Variants in SEL1L2 observed in about 807,000 individuals in gnomAD.
The protein encoded by SEL1L2 is SEL1L2 adaptor subunit of SYVN1 ubiquitin ligase.
Under a neutral mutation model 98.8 loss-of-function variants are expected in SEL1L2, and 89 were observed. That is an observed-to-expected ratio of 0.90 (90% confidence interval 0.76 to 1.07). The LOEUF (loss-of-function observed/expected upper bound fraction) is 1.07, where lower values mean the gene tolerates loss of function less well. Among genes scored for constraint, SEL1L2 ranks in the 50% least tolerant of loss-of-function variants. The pLI, the probability that SEL1L2 is intolerant of heterozygous loss-of-function variation, is 0.00. For synonymous variants in SEL1L2, 262 were observed against 278.5 expected (o/e 0.94, Z 0.59); for missense variants, 788 against 812.0 (o/e 0.97, Z 0.36).
chr20:13,930,189 G>A (rs2049081683), intron 3 of SEL1L2, among the ~76,000 whole-genome samples: 1 of 152,186 alleles, frequency 6.6e-6, no homozygotes, highest in African/African-American at 2.4e-5. Flanking sequence ...TTTCCTTCCT[G>A]CTTCTGAAGA....
chr20:13,971,708 T>C (rs1475763918), intron 1 of SEL1L2, among the ~76,000 whole-genome samples: 1 of 152,156 alleles, frequency 6.6e-6, no homozygotes, highest in African/African-American at 2.4e-5. Context: ...GTGTTGGGAT[T>C]ACAGGCGTGA....
intron 9 of SEL1L2, 64 bp downstream of exon 9, chr20:13,886,224 A>G: frequency 8.0e-7 from 1 of 1,254,968 alleles, no homozygotes. Context: ...TCCAGGACTC[A>G]GAAAGAATTA....
intron 12 of SEL1L2, among the ~76,000 whole-genome samples, chr20:13,872,433 C>A (rs1363224489): frequency 1.3e-5 from 2 of 152,162 alleles, no homozygotes; most frequent in Non-Finnish European, 2.9e-5. Context: ...GGCACTTCTC[C>A]TTGCTGCCGC....
upstream of SEL1L2, among the ~76,000 whole-genome samples, chr20:13,991,231 G>A (rs1440094674): frequency 6.6e-6 from 1 of 152,240 alleles, no homozygotes; most frequent in Non-Finnish European, 1.5e-5. Flanking sequence ...CACAGAGCTA[G>A]TTGAGAAATT....
At chr20:13,944,308 A>G (rs1371265370) in intron 2 of SEL1L2, among the ~76,000 whole-genome samples, 1 of 152,240 alleles carries the variant, frequency 6.6e-6, no homozygotes, top group East Asian at 1.9e-4. Flanking sequence ...AATGCAATAC[A>G]TACCGTGAGG....
intron 17 of SEL1L2, among the ~76,000 whole-genome samples, chr20:13,863,780 G>A (rs753724229): frequency 1.3e-5 from 2 of 152,034 alleles, no homozygotes; most frequent in Non-Finnish European, 1.5e-5. Context: ...GACTATCCTG[G>A]TCCACATGGT....
intron 18 of SEL1L2, 43 bp downstream of exon 18, chr20:13,859,219 A>G (rs367973546): frequency 8.0e-5 from 124 of 1,544,978 alleles, no homozygotes; most frequent in Non-Finnish European, 1.1e-4. Flanking sequence ...GTCTTCTCAC[A>G]CAGCTGTCAT....
At chr20:13,949,558 G>T (rs1434339428) in intron 2 of SEL1L2, among the ~76,000 whole-genome samples, 2 of 152,180 alleles carry the variant, frequency 1.3e-5, no homozygotes, top group Non-Finnish European at 2.9e-5. Context: ...CAGCTATCGG[G>T]AGGCTGAGGC....
chr20:13,913,515 C>T (rs1000756804), intron 5 of SEL1L2: 2 of 293,398 alleles, frequency 6.8e-6, no homozygotes, highest in Non-Finnish European at 1.2e-5. Flanking sequence ...AAGTAAAAAT[C>T]ATGCAAACAT....
intron 5 of SEL1L2, among the ~76,000 whole-genome samples, chr20:13,908,076 C>T (rs2048046344): frequency 6.8e-6 from 1 of 148,054 alleles, no homozygotes; most frequent in Non-Finnish European, 1.5e-5. Flanking sequence ...CAGGAGCCAC[C>T]ATGCCTGGCT....
chr20:13,978,322 C>T (rs2051642711), intron 1 of SEL1L2, among the ~76,000 whole-genome samples: 1 of 152,030 alleles, frequency 6.6e-6, no homozygotes. Context: ...GAAATTGGAC[C>T]CTTATCACAC....
chr20:13,870,922 C>CAAAAAAAAAAAAA (rs534578783), intron 12 of SEL1L2, among the ~76,000 whole-genome samples: 1 of 53,178 alleles, frequency 1.9e-5, no homozygotes, highest in Non-Finnish European at 3.9e-5. Context: ...AACTCCATCT[C>CAAAAAAAAAAAAA]AAAAAAAAAA....
Position 13,961,103 on chromosome 20 carries a change from G to A in SEL1L2, c.59-4972C>T, listed in dbSNP as rs961692676. Among the ~76,000 whole-genome samples, 4 of 152,200 alleles carry A rather than the reference G, an allele frequency of 2.6e-5. No homozygotes were observed. In the East Asian group the frequency reaches 7.7e-4, roughly 29 times the overall value. On this transcript the variant is annotated intron_variant, in intron 1 of 19. Transcript: ENST00000284951. The stretch of plus-strand genomic sequence containing the variant: ...AAAATAGCAAGCACAGAATATCTGT[G>A]TTCTCACCAAGTGAGAATAAGTCAG...
intron 17 of SEL1L2, among the ~76,000 whole-genome samples, chr20:13,862,457 T>C (rs1990284224): frequency 1.3e-5 from 2 of 152,292 alleles, no homozygotes; most frequent in South Asian, 4.1e-4. Flanking sequence ...AAGTGCCCTG[T>C]ATGAGCTCAG....
At chr20:13,852,523 T>C (rs753817396) in intron 18 of SEL1L2, among the ~76,000 whole-genome samples, 6 of 152,182 alleles carry the variant, frequency 3.9e-5, no homozygotes, top group Non-Finnish European at 7.3e-5. Context: ...AAAAATCTCC[T>C]CCAGATGGTG....
chr20:13,885,400 A>G lies in SEL1L2; in HGVS notation c.904T>C (p.Ser302Pro). Residue 302 changes from serine (S) to proline (P), a missense_variant, in exon 10 of 20, where the codon TCT (serine) becomes CCT (proline). By Grantham distance (74) the Ser-to-Pro change is moderately conservative (BLOSUM62 -1). Coordinates refer to ENST00000284951, the MANE Select transcript of SEL1L2 (RefSeq NM_025229.2). ...CCAATTAGATGTAATTGTCCAAGAG[A>G]GACCTAGGAATGATGAGTTTGGAAA... ...AERGDVQIQV[S>P]LGQLHLIGRK... 1.3e-6 allele frequency: 2 copies of G among 1,594,128 alleles called. No individual in the cohort carries two copies. Among genetic ancestry groups the G allele is most frequent in the Non-Finnish European group, 1.7e-6 (2 of 1,161,884 alleles).
At chr20:13,867,583 T>A (rs2147833481) in intron 14 of SEL1L2, among the ~76,000 whole-genome samples, 1 of 152,320 alleles carries the variant, frequency 6.6e-6, no homozygotes, top group African/African-American at 2.4e-5. Flanking sequence ...GCTCCACAAC[T>A]GTGTGATCCT....
intron 5 of SEL1L2, among the ~76,000 whole-genome samples, chr20:13,905,759 T>C (rs1389846034): frequency 6.6e-6 from 1 of 152,164 alleles, no homozygotes; most frequent in Admixed American, 6.5e-5. Flanking sequence ...AAGAAAAATG[T>C]TGTGAATTGA....
chr20:13,899,992 T>A (rs1373202112), intron 5 of SEL1L2, among the ~76,000 whole-genome samples: 2 of 152,184 alleles, frequency 1.3e-5, no homozygotes, highest in Non-Finnish European at 2.9e-5. Flanking sequence ...TTAAGGCATT[T>A]TGGAATGATA....
Sources: allele counts gnomAD v4.1 joint callset (sites outside exome capture counted in the v4.1 genomes callset), GRCh38; gene constraint gnomAD v4.1.1; transcripts MANE v1.5; gene names NCBI Gene and HGNC (gene_info 2026-07-23, HGNC 2026-07-21).